Variants in DYNC2H1 observed in about 807,000 individuals in gnomAD.
The protein encoded by DYNC2H1 is dynein cytoplasmic 2 heavy chain 1.
A neutral mutation model predicts 570.0 loss-of-function variants in DYNC2H1; 410 were observed. That is an observed-to-expected ratio of 0.72 (90% CI 0.66 to 0.78). The LOEUF is 0.78. Among genes scored for constraint, DYNC2H1 ranks in the 30% least tolerant of loss-of-function variants. The probability of loss-of-function intolerance (pLI) is 0.00; values close to 1 mark genes in which losing one functional copy is unlikely to be tolerated. For synonymous variants in DYNC2H1, 1,688 were observed against 1,677.6 expected, an observed-to-expected ratio of 1.01 and a Z score of -0.15; for missense variants, 4,865 against 5,046.4, an observed-to-expected ratio of 0.96 and a Z score of 1.09.
chr11:103,427,149 C>G (rs1204708649), intron 84 of DYNC2H1, among the ~76,000 whole-genome samples: 3 of 152,124 alleles, frequency 2.0e-5, no homozygotes, highest in Non-Finnish European at 4.4e-5. Flanking sequence ...ATAACCCCAA[C>G]ATGCCTACAT....
chr11:103,219,591 G>A lies in DYNC2H1; in HGVS notation c.8833-324G>A, dbSNP rs534832569. ...TGTGCTCTTACACTCCAGCCTGGGC[G>A]ACAAGAGCAAGACTCCATCTCAAAA... On this transcript the variant is annotated intron_variant, in intron 55 of 88. Transcript: ENST00000375735. Among the ~76,000 whole-genome samples, 272 of 152,208 alleles carry A rather than the reference G, an allele frequency of 1.8e-3. 2 individuals carry two copies. Among genetic ancestry groups the A allele is most frequent in the African/African-American group, 6.1e-3 (255 of 41,544 alleles).
intron 52 of DYNC2H1, among the ~76,000 whole-genome samples, chr11:103,206,847 G>A (rs1330433516): frequency 6.6e-6 from 1 of 152,102 alleles, no homozygotes; most frequent in African/African-American, 2.4e-5. Flanking sequence ...ATGAATGTGG[G>A]TACACTCTTT....
chr11:103,200,953 A>G (rs548229966), intron 50 of DYNC2H1, among the ~76,000 whole-genome samples: 2 of 152,026 alleles, frequency 1.3e-5, no homozygotes, highest in South Asian at 4.1e-4. Context: ...CAGCCTCCTG[A>G]GTAGCTGGGA....
intron 32 of DYNC2H1, among the ~76,000 whole-genome samples, chr11:103,169,397 A>G (rs1050770818): frequency 3.9e-5 from 6 of 152,188 alleles, no homozygotes; most frequent in African/African-American, 1.2e-4. Flanking sequence ...CAAATAACCT[A>G]GTTAATGTAA....
intron 82 of DYNC2H1, among the ~76,000 whole-genome samples, chr11:103,329,627 T>C (rs1399203632): frequency 6.6e-6 from 1 of 152,136 alleles, no homozygotes; most frequent in Non-Finnish European, 1.5e-5. Flanking sequence ...CTGAAGCATG[T>C]TTTTTTCTGT....
rs1247837171 is a variant in DYNC2H1, at chr11:103,459,227, TGAACCCG to T, written c.12648+2873_12648+2879del. ...GGGAGGCTGAGGCAGGAGAATGGCG[TGAACCCG>T]GGAGGCGGAGCTTGCAGTGAGCCGA... On this transcript the variant is annotated intron_variant, in intron 87 of 88. Coordinates refer to ENST00000375735, the MANE Select transcript of DYNC2H1 (RefSeq NM_001377.3). Among the ~76,000 whole-genome samples the T allele has an allele frequency of 2.2e-5, 3 of 134,734 alleles. No homozygotes were observed. In the East Asian group the frequency reaches 6.7e-4, roughly 30 times the overall value. The allele number at this position is 134,734 out of a possible 152,430, so 88.4% of individuals were successfully genotyped here. A position where few individuals can be genotyped will look rare whatever the true frequency, so the allele number is the denominator to read the frequency against.
At chr11:103,115,451 G>A (rs772243087) in intron 4 of DYNC2H1, among the ~76,000 whole-genome samples, 156 bp downstream of exon 4, 1 of 152,142 alleles carries the variant, frequency 6.6e-6, no homozygotes. Flanking sequence ...TATGTAAAAT[G>A]AATTGAGAAA....
intron 3 of DYNC2H1, among the ~76,000 whole-genome samples, chr11:103,114,718 A>G (rs1858290878): frequency 1.3e-5 from 2 of 152,346 alleles, no homozygotes; most frequent in South Asian, 4.1e-4. Flanking sequence ...CATCTCATCA[A>G]CTGATCAATA....
chr11:103,192,074 A>AT, intron 46 of DYNC2H1, 23 bp from the exon 47 acceptor site: 1 of 1,434,428 alleles, frequency 7.0e-7, no homozygotes, highest in Non-Finnish European at 9.3e-7. Flanking sequence ...TATTACAATT[A>AT]AATAAAATTT....
chr11:103,180,196 C>T (rs944521356), intron 39 of DYNC2H1, among the ~76,000 whole-genome samples: 1 of 151,482 alleles, frequency 6.6e-6, no homozygotes, highest in Non-Finnish European at 1.5e-5. Flanking sequence ...GTGTTATAAT[C>T]TTGTGAGAAA....
At chr11:103,421,110 A>G (rs1310812347) in intron 84 of DYNC2H1, among the ~76,000 whole-genome samples, 1 of 152,214 alleles carries the variant, frequency 6.6e-6, no homozygotes, top group East Asian at 1.9e-4. Flanking sequence ...TCAAACCAAC[A>G]AAGATTAAAA....
Position 103,199,568 on chromosome 11 carries a change from T to A in DYNC2H1, c.8088+92T>A. 1 of 1,217,802 alleles carries A rather than the reference T, an allele frequency of 8.2e-7. No individual in the cohort carries two copies. Among genetic ancestry groups the A allele is most frequent in the Non-Finnish European group, 1.1e-6 (1 of 932,474 alleles). 75.4% of individuals were successfully genotyped at this position (1,217,802 alleles called of 1,614,324 possible). ...TTAAAGACCTAAAGGTTTAAAGAAC[T>A]AAAGTTTTAAAGAACATCTTTAAAG... On this transcript the variant is annotated intron_variant, in intron 49 of 88. Transcript: ENST00000375735. The surrounding 1 kb of genome is among the most constrained non-coding windows in gnomAD (Gnocchi z 4.6).
At chr11:103,213,175 A>AAGGCAAG (rs1261915884) in intron 54 of DYNC2H1, among the ~76,000 whole-genome samples, 12 of 152,260 alleles carry the variant, frequency 7.9e-5, no homozygotes, top group African/African-American at 2.9e-4. Context: ...AAATGCAGGT[A>AAGGCAAG]AGGCAAGTGA....
intron 80 of DYNC2H1, among the ~76,000 whole-genome samples, chr11:103,320,410 AAAAAAC>A (rs1465051072): frequency 1.3e-5 from 2 of 152,200 alleles, no homozygotes; most frequent in Admixed American, 1.3e-4. Context: ...TCAAAAAAAC[AAAAAAC>A]AAAAACAAAA....
rs555124116 is a variant in DYNC2H1 at position 103,245,231 on chromosome 11, A to G, written c.9919-20A>G. On this transcript the variant is annotated intron_variant, in intron 64 of 88. Transcript: ENST00000375735. The surrounding 1 kb of genome is among the most constrained non-coding windows in gnomAD (Gnocchi z 4.5). ...TAAAGTAATTAAATAATTAATACGT[A>G]TTCTTTTTTATTCAATTAGGATAGT... 31 of 1,480,942 alleles carry G rather than the reference A, an allele frequency of 2.1e-5. No individual in the cohort carries two copies. In the East Asian group the frequency reaches 4.2e-4, roughly 20 times the overall value. 91.7% of individuals were successfully genotyped at this position (1,480,942 alleles called of 1,614,324 possible). A position where few individuals can be genotyped will look rare whatever the true frequency, so the allele number is the denominator to read the frequency against.
At chr11:103,352,595 A>G (rs1035462860) in intron 82 of DYNC2H1, among the ~76,000 whole-genome samples, 2 of 152,086 alleles carry the variant, frequency 1.3e-5, no homozygotes, top group Non-Finnish European at 1.5e-5. Context: ...TGTGATATCA[A>G]CTCTTAAATT....
chr11:103,303,904 TCA>T (rs1867157162), intron 76 of DYNC2H1, among the ~76,000 whole-genome samples: 1 of 152,124 alleles, frequency 6.6e-6, no homozygotes, highest in Admixed American at 6.6e-5. Context: ...TTATAATAAA[TCA>T]CAGTAATGTT....
Position 103,189,791 on chromosome 11 carries a change from G to C in DYNC2H1, c.7412G>C (p.Gly2471Ala), listed in dbSNP as rs763563361. The C allele has an allele frequency of 3.1e-6, 5 of 1,610,634 alleles. No homozygotes were observed. The South Asian group carries it at 5.5e-5, about 18-fold the overall frequency. ...GSSSKIYLLA[G>A]SMVQVYEQVR... Reference sequence around the variant, plus strand: ...TCATCAAAAATTTATCTTTTAGCAGGATCTATGGTACAAGTGTATGAACAG... The same window carrying C: ...TCATCAAAAATTTATCTTTTAGCAGCATCTATGGTACAAGTGTATGAACAG... Residue 2471 changes from glycine (G) to alanine (A), a missense_variant, in exon 45 of 89, where the codon GGA (glycine) becomes GCA (alanine). Physicochemically the swap from Gly to Ala is moderately conservative, Grantham distance 60 (BLOSUM62 0). Coordinates refer to ENST00000375735, the MANE Select transcript of DYNC2H1 (RefSeq NM_001377.3). The surrounding 1 kb of genome is among the most constrained non-coding windows in gnomAD (Gnocchi z 4.3).
chr11:103,388,329 C>A (rs1370395088), intron 83 of DYNC2H1, among the ~76,000 whole-genome samples: 2 of 152,016 alleles, frequency 1.3e-5, no homozygotes, highest in Admixed American at 1.3e-4. Context: ...TATAAGAATG[C>A]CTGTGATTTT....
Sources: gnomAD v4.1 joint callset for allele counts (sites outside exome capture counted in the v4.1 genomes callset) on GRCh38, gnomAD v4.1.1 for gene constraint, Gnocchi (gnomAD v3.1) non-coding constraint, MANE v1.5 for transcripts, NCBI Gene and HGNC (gene_info 2026-07-23, HGNC 2026-07-21) for gene names.